The following LIPK variants were observed in gnomAD, a reference collection of about 807,000 sequenced individuals.
The protein encoded by LIPK is lipase family member K, also known as lipase member K.
In LIPK, 32 loss-of-function variants were observed where a neutral mutation model predicts 48.6. The observed-to-expected ratio is 0.66, with a 90% CI of 0.50 to 0.88. The LOEUF is 0.88. Ranked by LOEUF, LIPK falls within the 40% of genes least tolerant of loss-of-function variation. The pLI, the probability that LIPK is intolerant of heterozygous loss-of-function variation, is 0.00. For synonymous variants in LIPK, 164 were observed against 157.4 expected (o/e 1.04, Z -0.32); for missense variants, 507 against 478.5 (o/e 1.06, Z -0.56).
chr10:88,726,450 G>C (rs1293487126), intron 2 of LIPK, among the ~76,000 whole-genome samples: 1 of 152,226 alleles, frequency 6.6e-6, no homozygotes, highest in African/African-American at 2.4e-5. Flanking sequence ...ACTTTGGGAG[G>C]CTAAGGCAGG....
chr10:88,733,201 G>T (rs1842504015), intron 6 of LIPK, among the ~76,000 whole-genome samples: 1 of 152,184 alleles, frequency 6.6e-6, no homozygotes, highest in African/African-American at 2.4e-5. Context: ...TTTACAGGCT[G>T]TCATTTTGAC....
At chr10:88,715,978 G>A (rs1401669630) in intron 1 of LIPK, among the ~76,000 whole-genome samples, 1 of 152,042 alleles carries the variant, frequency 6.6e-6, no homozygotes, top group East Asian at 1.9e-4. Flanking sequence ...TCTAGTGAGA[G>A]AACTAGTCTT....
chr10:88,742,047 C>G (rs541957372), intron 8 of LIPK, among the ~76,000 whole-genome samples: 4 of 152,316 alleles, frequency 2.6e-5, no homozygotes, highest in Admixed American at 6.5e-5. Context: ...CGTCTTACCA[C>G]GGTGGAGCAG....
At chr10:88,751,807 C>G (rs897211734) in intron 9 of LIPK, among the ~76,000 whole-genome samples, 1 of 152,112 alleles carries the variant, frequency 6.6e-6, no homozygotes, top group African/African-American at 2.4e-5. Flanking sequence ...CCAAAAGATA[C>G]TATATTCTCA....
chr10:88,715,043 T>C (rs1842091500), intron 1 of LIPK, among the ~76,000 whole-genome samples: 1 of 152,138 alleles, frequency 6.6e-6, no homozygotes, highest in South Asian at 2.1e-4. Flanking sequence ...AATTTTGATA[T>C]GTCATGTTTT....
intron 7 of LIPK, 109 bp from the exon 8 acceptor site, chr10:88,739,883 AAAAG>A (rs889049622): frequency 6.6e-6 from 4 of 601,534 alleles, no homozygotes; most frequent in African/African-American, 5.8e-5. Context: ...AAAAATAAAA[AAAAG>A]AAAGAAAGGG....
intron 1 of LIPK, among the ~76,000 whole-genome samples, chr10:88,718,591 C>G (rs1465427769): frequency 6.6e-6 from 1 of 151,904 alleles, no homozygotes; most frequent in Non-Finnish European, 1.5e-5. Flanking sequence ...ATTTTATACT[C>G]AAATTTGTTA....
chr10:88,720,781 T>C (rs907804515), intron 1 of LIPK, among the ~76,000 whole-genome samples: 1 of 152,142 alleles, frequency 6.6e-6, no homozygotes, highest in Non-Finnish European at 1.5e-5. Context: ...TACACATACA[T>C]ATATAGTTGA....
rs574058725 is a variant in LIPK at position 88,711,541 on chromosome 10, C to T, written c.-12+5221C>T. ...AGGCTGGAGTGCAGTGGCACAATCT[C>T]GGCTCACTGCAACCTCCACCTCCTG... On this transcript the variant is annotated intron_variant, in intron 1 of 9. Transcript: ENST00000404190. 7.2e-5 allele frequency among the ~76,000 whole-genome samples: 11 copies of T among 152,286 alleles called. No individual in the cohort carries two copies. In the South Asian group the frequency reaches 8.3e-4, roughly 11 times the overall value.
At chr10:88,734,133 G>A (rs1842523246) in intron 6 of LIPK, among the ~76,000 whole-genome samples, 1 of 152,200 alleles carries the variant, frequency 6.6e-6, no homozygotes, top group Non-Finnish European at 1.5e-5. Flanking sequence ...TGCCACATAT[G>A]ACCTACTAAT....
chr10:88,711,510 T>C (rs1400423371), intron 1 of LIPK, among the ~76,000 whole-genome samples: 1 of 152,196 alleles, frequency 6.6e-6, no homozygotes, highest in Non-Finnish European at 1.5e-5. Context: ...TCTCACTCTA[T>C]CACCCAGGCT....
At chr10:88,744,681 T>C (rs538415769) in intron 9 of LIPK, among the ~76,000 whole-genome samples, 50 of 152,270 alleles carry the variant, frequency 3.3e-4, no homozygotes, top group African/African-American at 8.9e-4. Context: ...GCCAAAACAG[T>C]TGAGAAGGAA....
intron 6 of LIPK, 72 bp downstream of exon 6, chr10:88,732,623 C>T (rs1212391647): frequency 1.4e-6 from 2 of 1,430,804 alleles, no homozygotes; most frequent in African/African-American, 2.9e-5. Context: ...CAACAGAAGA[C>T]CAATGACATT....
At position 88,750,794 on chromosome 10, in the gene LIPK, A is replaced by C. The variant is rs553604354; in HGVS notation, c.961-1723A>C. 3.3e-5 allele frequency among the ~76,000 whole-genome samples: 5 copies of C among 152,230 alleles called. No homozygotes were observed. The East Asian group carries it at 7.7e-4, about 23-fold the overall frequency. On this transcript the variant is annotated intron_variant, in intron 9 of 9. Transcript: ENST00000404190. ...GGCAAGCCTGCACATGTACCCCCTG[A>C]ATCTAAAATAAAAGTTGGAAGGGGA... is the stretch of plus-strand genomic sequence containing the variant.
chr10:88,722,882 C>CTTT lies in LIPK; in HGVS notation c.-11-1647_-11-1645dup, dbSNP rs1262882913. On this transcript the variant is annotated intron_variant, in intron 1 of 9. Transcript: ENST00000404190. ...TTTTTTAAATTGTTTTTCTTCTTTTCTTTTTTCTTTTTTTTTTTTGACAGG... is the reference window on the plus strand; with the variant it reads ...TTTTTTAAATTGTTTTTCTTCTTTTCTTTTTTTTTCTTTTTTTTTTTTGACAGG... 2.6e-3 allele frequency among the ~76,000 whole-genome samples: 121 copies of CTTT among 45,982 alleles called. 1 individual carries two copies. Among genetic ancestry groups the CTTT allele is most frequent in the Middle Eastern group, 0.03 (2 of 66 alleles). The allele number at this position is 45,982 out of a possible 152,430, so 30.2% of individuals were successfully genotyped here. A position where few individuals can be genotyped will look rare whatever the true frequency, so the allele number is the denominator to read the frequency against.
intron 6 of LIPK, among the ~76,000 whole-genome samples, chr10:88,734,846 T>C (rs1842539378): frequency 6.6e-6 from 1 of 152,194 alleles, no homozygotes; most frequent in African/African-American, 2.4e-5. Flanking sequence ...TAGGTATATT[T>C]TTGACTTTTT....
chr10:88,726,415 G>C (rs762018243), intron 2 of LIPK, among the ~76,000 whole-genome samples: 1 of 152,232 alleles, frequency 6.6e-6, no homozygotes, highest in African/African-American at 2.4e-5. Flanking sequence ...GGCCAGGCAG[G>C]GAGGCTCACA....
chr10:88,706,341 T>A (rs11202823), intron 1 of LIPK, among the ~76,000 whole-genome samples, 21 bp downstream of exon 1: 2 of 152,184 alleles, frequency 1.3e-5, no homozygotes, highest in African/African-American at 4.8e-5. Context: ...TTCATCTATT[T>A]GCAGAGCCTG....
At chr10:88,711,337 T>G (rs1431843709) in intron 1 of LIPK, among the ~76,000 whole-genome samples, 1 of 152,158 alleles carries the variant, frequency 6.6e-6, no homozygotes, top group Non-Finnish European at 1.5e-5. Context: ...TCAAACAAAT[T>G]AACGTATCAA....
Sources: allele counts gnomAD v4.1 joint callset (sites outside exome capture counted in the v4.1 genomes callset), GRCh38; gene constraint gnomAD v4.1.1; transcripts MANE v1.5; gene names NCBI Gene and HGNC (gene_info 2026-07-23, HGNC 2026-07-21).